Variants in HDAC9 observed in about 807,000 individuals in gnomAD.
HDAC9 encodes histone deacetylase 9.
A neutral mutation model predicts 139.4 loss-of-function variants in HDAC9; 41 were observed. That is an observed-to-expected ratio of 0.29 (90% confidence interval 0.23 to 0.38). The LOEUF is 0.38. HDAC9 is among the 10% of genes least tolerant of loss of function. The pLI, the probability that HDAC9 is intolerant of heterozygous loss-of-function variation, is 1.00. For synonymous variants in HDAC9, 517 were observed against 476.2 expected (o/e 1.09, Z -1.12); for missense variants, 1,147 against 1,297.0 (o/e 0.88, Z 1.78).
chr7:18,514,545 T>G (rs1308437616), intron 2 of HDAC9, among the ~76,000 whole-genome samples: 1 of 152,198 alleles, frequency 6.6e-6, no homozygotes, highest in African/African-American at 2.4e-5. Flanking sequence ...GAAATTCCAG[T>G]TAAATATTAA....
At chr7:18,690,557 T>G (rs1011611235) in intron 12 of HDAC9, among the ~76,000 whole-genome samples, 1 of 152,020 alleles carries the variant, frequency 6.6e-6, no homozygotes, top group Non-Finnish European at 1.5e-5. Context: ...GAGCTCTTTT[T>G]TTATTCTTTC....
At chr7:18,687,662 G>A (rs1418394936) in intron 12 of HDAC9, among the ~76,000 whole-genome samples, 2 of 151,832 alleles carry the variant, frequency 1.3e-5, no homozygotes, top group Non-Finnish European at 2.9e-5. Context: ...CAGATCCAAG[G>A]AGGTGACCTC....
intron 1 of HDAC9, among the ~76,000 whole-genome samples, chr7:18,139,206 G>A (rs1785700377): frequency 1.4e-5 from 2 of 145,770 alleles, no homozygotes; most frequent in African/African-American, 2.6e-5. Flanking sequence ...GCTCACTGCA[G>A]CCTTGACCTC....
intron 1 of HDAC9, among the ~76,000 whole-genome samples, chr7:18,158,627 C>G (rs979993274): frequency 6.6e-6 from 1 of 152,310 alleles, no homozygotes; most frequent in South Asian, 2.1e-4. Flanking sequence ...ATAATAACAG[C>G]TGATTCGGTA....
At chr7:18,290,328 T>TA, upstream of HDAC9, 10 of 372,082 alleles carry the variant, frequency 2.7e-5, no homozygotes, top group South Asian at 2.1e-4. Flanking sequence ...GGAAAACTGA[T>TA]ATTGCATCTG....
chr7:18,123,777 G>A (rs1455409194), intron 1 of HDAC9, among the ~76,000 whole-genome samples: 3 of 152,080 alleles, frequency 2.0e-5, no homozygotes, highest in Admixed American at 1.3e-4. Flanking sequence ...AGAGACTATT[G>A]AACTTGAATA....
chr7:18,167,125 G>A (rs1441604569), intron 2 of HDAC9, among the ~76,000 whole-genome samples: 5 of 151,744 alleles, frequency 3.3e-5, no homozygotes, highest in Non-Finnish European at 7.4e-5. Flanking sequence ...TGTTGTAGCA[G>A]AAGTTGATCA....
chr7:18,687,298 A>C (rs2129094675), intron 12 of HDAC9, among the ~76,000 whole-genome samples: 1 of 151,942 alleles, frequency 6.6e-6, no homozygotes, highest in East Asian at 1.9e-4. Flanking sequence ...CATTTAAATA[A>C]ATCTTCTACT....
chr7:18,597,074 C>T (rs941983757), intron 6 of HDAC9, among the ~76,000 whole-genome samples: 2 of 152,064 alleles, frequency 1.3e-5, no homozygotes, highest in East Asian at 1.9e-4. Flanking sequence ...ACCTTTGTCA[C>T]GCAAAGTGGA....
At chr7:18,720,105 G>A (rs1015335037) in intron 12 of HDAC9, among the ~76,000 whole-genome samples, 2 of 151,992 alleles carry the variant, frequency 1.3e-5, no homozygotes, top group Non-Finnish European at 2.9e-5. Context: ...TATCTTCATA[G>A]AGTTTATATA....
intron 2 of HDAC9, among the ~76,000 whole-genome samples, chr7:18,521,709 A>G (rs1296310996): frequency 1.3e-5 from 2 of 152,334 alleles, no homozygotes; most frequent in East Asian, 3.9e-4. Flanking sequence ...AATAAACAAC[A>G]GTCTAGGATT....
chr7:18,389,208 A>G (rs1313985530), intron 1 of HDAC9, among the ~76,000 whole-genome samples: 1 of 152,212 alleles, frequency 6.6e-6, no homozygotes, highest in Non-Finnish European at 1.5e-5. Flanking sequence ...CCTTTGTTAC[A>G]GTCCCAATTC....
rs374900152 is a variant in HDAC9 at position 18,793,388 on chromosome 7, C to A, written c.2258C>A (p.Ala753Asp). 1 of 1,586,504 alleles carries A rather than the reference C, an allele frequency of 6.3e-7. No homozygotes were observed. The highest frequency in any genetic ancestry group is 8.6e-7 in the Non-Finnish European group (1 of 1,166,356). The change falls in exon 17 of 26, where the codon GCT (alanine) becomes GAT (aspartate). Residue 753 changes from alanine (A) to aspartate (D), a missense_variant. By Grantham distance (126) the Ala-to-Asp change is moderately radical. Coordinates refer to ENST00000686413, the MANE Select transcript of HDAC9 (RefSeq NM_178425.4). ...TIWNELHSSG[A>D]ARMAVGCVIE... ...TGGAATGAGCTACACTCGTCCGGTG[C>A]TGCACGCATGGCTGTTGGCTGTGTC...
chr7:18,877,050 T>C (rs188808223), intron 22 of HDAC9, among the ~76,000 whole-genome samples: 1 of 152,242 alleles, frequency 6.6e-6, no homozygotes, highest in East Asian at 1.9e-4. Flanking sequence ...TTAGTGCCCA[T>C]GACCCTTAAT....
At chr7:18,196,831 G>A (rs1173542095) in intron 2 of HDAC9, among the ~76,000 whole-genome samples, 1 of 152,152 alleles carries the variant, frequency 6.6e-6, no homozygotes, top group East Asian at 1.9e-4. Context: ...AGAAAAGGGT[G>A]TGAAACTTTT....
intron 3 of HDAC9, 109 bp downstream of exon 3, chr7:18,585,631 T>G: frequency 7.6e-7 from 1 of 1,316,018 alleles, no homozygotes; most frequent in Admixed American, 2.3e-5. Context: ...GATTAAGACA[T>G]GGATATATGG....
chr7:18,366,846 A>G lies in HDAC9; in HGVS notation c.-42+76331A>G, dbSNP rs574233565. On this transcript the variant is annotated intron_variant, in intron 1 of 3. Coordinates refer to the HDAC9 transcript ENST00000413509. ...TATTTTTATGTAAAGTGATGCGTTT[A>G]GTTAGATTGTCACATCTTCTATATA... is the stretch of plus-strand genomic sequence containing the variant. Among the ~76,000 whole-genome samples the G allele has an allele frequency of 3.6e-4, 55 of 152,226 alleles. 1 individual carries two copies. The highest frequency in any genetic ancestry group is 1.3e-3 in the African/African-American group (52 of 41,562).
In HDAC9 at chr7:18,172,191, G is replaced by T. The variant is rs554643922; in HGVS notation, c.25+9842G>T. On this transcript the variant is annotated intron_variant, in intron 2 of 12. Coordinates refer to the HDAC9 transcript ENST00000417496. ...GTCTTGGGAGGGTGTATGTGTCTAG[G>T]AATTTATCCATTTCTTTTAGATTTT... Among the ~76,000 whole-genome samples the T allele has an allele frequency of 1.2e-4, 19 of 152,242 alleles. No individual in the cohort carries two copies. The South Asian group carries it at 3.7e-3, about 30-fold the overall frequency.
intron 11 of HDAC9, among the ~76,000 whole-genome samples, chr7:18,664,335 T>C (rs940195151): frequency 6.6e-6 from 1 of 152,190 alleles, no homozygotes; most frequent in Non-Finnish European, 1.5e-5. Flanking sequence ...CATTGTGATA[T>C]GAGTTTTGAT....
Sources: gnomAD v4.1 joint callset for allele counts (sites outside exome capture counted in the v4.1 genomes callset) on GRCh38, gnomAD v4.1.1 for gene constraint, MANE v1.5 for transcripts, NCBI Gene and HGNC (gene_info 2026-07-23, HGNC 2026-07-21) for gene names.